The following VOPP1 variants were observed in gnomAD, a reference collection of about 807,000 sequenced individuals.
The protein encoded by VOPP1 is WW domain binding protein VOPP1.
A neutral mutation model predicts 23.5 loss-of-function variants in VOPP1; 8 were observed. That is an observed-to-expected ratio of 0.34 (90% CI 0.20 to 0.61). The LOEUF (loss-of-function observed/expected upper bound fraction) is 0.61. VOPP1 is among the 20% of genes least tolerant of loss of function. VOPP1 has a pLI of 0.78. For synonymous variants in VOPP1, 83 were observed against 97.3 expected (o/e 0.85, Z 0.86); for missense variants, 174 against 238.1 (o/e 0.73, Z 1.77).
intron 2 of VOPP1, among the ~76,000 whole-genome samples, chr7:55,517,812 A>C (rs940735688): frequency 1.3e-4 from 20 of 152,182 alleles, no homozygotes; most frequent in African/African-American, 3.4e-4. Flanking sequence ...TTCCCCTTTA[A>C]GAAAAATGCT....
chr7:55,493,448 T>TA (rs1221230989), intron 3 of VOPP1, among the ~76,000 whole-genome samples: 1 of 152,256 alleles, frequency 6.6e-6, no homozygotes, highest in Non-Finnish European at 1.5e-5. Flanking sequence ...GAGCGTACGA[T>TA]AAAGCCTTTG....
At chr7:55,480,016 T>C (rs1214769735) in intron 4 of VOPP1, among the ~76,000 whole-genome samples, 2 of 152,234 alleles carry the variant, frequency 1.3e-5, no homozygotes, top group Non-Finnish European at 1.5e-5. Flanking sequence ...GTTAAGAAGA[T>C]CATGGTTGGT....
chr7:55,538,815 TA>T (rs756997390), intron 1 of VOPP1: 2,800 of 132,282 alleles, frequency 0.021, 14 homozygotes, highest in Middle Eastern at 0.032. Context: ...CAACATTTCT[TA>T]AAAAAAAAAA....
chr7:55,560,147 T>G (rs1484833411), intron 1 of VOPP1, among the ~76,000 whole-genome samples: 1 of 152,210 alleles, frequency 6.6e-6, no homozygotes, highest in Non-Finnish European at 1.5e-5. Context: ...AGTGAGGCTC[T>G]GTCTCAAACA....
At chr7:55,468,586 C>T (rs997003463), downstream of VOPP1, among the ~76,000 whole-genome samples, 1 of 152,186 alleles carries the variant, frequency 6.6e-6, no homozygotes, top group South Asian at 2.1e-4. Flanking sequence ...TCTGGATGAG[C>T]GACTGGATTG....
rs750177985 is a variant in VOPP1, at chr7:55,492,309, T to A, written c.301A>T (p.Thr101Ser). 3.1e-6 allele frequency: 5 copies of A among 1,611,468 alleles called. No individual in the cohort carries two copies. Among genetic ancestry groups the A allele is most frequent in the Non-Finnish European group, 4.2e-6 (5 of 1,178,928 alleles). The change falls in exon 4 of 5, where the codon ACC becomes TCC. Residue 101 changes from threonine (T) to serine (S), a missense_variant. Transcript: ENST00000285279. ...GGGCCGGGATTTGGGGGCTGCCTGG[T>A]GTAGGACACATTGAAGGCTGGCTCC... Reference protein sequence around the residue: ...IEEPAFNVSYTRQPPNPGPGA... With the variant: ...IEEPAFNVSYSRQPPNPGPGA...
At chr7:55,562,982 G>A (rs1263744543) in intron 1 of VOPP1, among the ~76,000 whole-genome samples, 1 of 152,154 alleles carries the variant, frequency 6.6e-6, no homozygotes, top group Non-Finnish European at 1.5e-5. Flanking sequence ...ATTTCCATCA[G>A]TTATACATGC....
chr7:55,457,400 T>G (rs149827854), intron 4 of VOPP1, among the ~76,000 whole-genome samples: 1,830 of 152,344 alleles, frequency 0.012, 13 homozygotes, highest in Admixed American at 0.021. Context: ...GTATGTTGGC[T>G]ATTGTGAATA....
At chr7:55,486,925 G>GT (rs1793186821) in intron 4 of VOPP1, among the ~76,000 whole-genome samples, 1 of 152,124 alleles carries the variant, frequency 6.6e-6, no homozygotes, top group African/African-American at 2.4e-5. Context: ...CTGCCCTGCT[G>GT]TTTCTTCAGG....
At chr7:55,538,327 T>C (rs1796930108) in intron 1 of VOPP1, among the ~76,000 whole-genome samples, 1 of 152,234 alleles carries the variant, frequency 6.6e-6, no homozygotes, top group Non-Finnish European at 1.5e-5. Context: ...CAGGTAAAGA[T>C]GTAGCCAGTC....
chr7:55,466,429 T>C (rs780720867), downstream of VOPP1, among the ~76,000 whole-genome samples: 1 of 152,172 alleles, frequency 6.6e-6, no homozygotes, highest in Non-Finnish European at 1.5e-5. Context: ...TTCTGCTTTA[T>C]GACAAAGCAT....
intron 4 of VOPP1, among the ~76,000 whole-genome samples, chr7:55,491,756 C>T (rs1793583935): frequency 1.3e-5 from 2 of 152,186 alleles, no homozygotes; most frequent in Non-Finnish European, 2.9e-5. Flanking sequence ...GTGACCTGTA[C>T]AAGAATGTCT....
chr7:55,556,182 C>A (rs1268045916), intron 1 of VOPP1, among the ~76,000 whole-genome samples: 1 of 152,188 alleles, frequency 6.6e-6, no homozygotes, highest in African/African-American at 2.4e-5. Flanking sequence ...ACCTTCTGAG[C>A]CCAGCCTGCC....
At chr7:55,516,815 A>G (rs1795439959) in intron 2 of VOPP1, among the ~76,000 whole-genome samples, 1 of 149,998 alleles carries the variant, frequency 6.7e-6, no homozygotes, top group African/African-American at 2.4e-5. Flanking sequence ...ATTTGTAAGG[A>G]ATATCTGTTT....
chr7:55,440,766 G>A (rs527853421), intron 4 of VOPP1, among the ~76,000 whole-genome samples: 8 of 152,284 alleles, frequency 5.3e-5, no homozygotes, highest in Admixed American at 4.6e-4. Context: ...TGCTGGGTTC[G>A]AGGACCAGAG....
intron 4 of VOPP1, among the ~76,000 whole-genome samples, chr7:55,452,145 T>A (rs571713043): frequency 6.6e-6 from 1 of 152,222 alleles, no homozygotes; most frequent in African/African-American, 2.4e-5. Context: ...TGTGTTGTAA[T>A]TTCAACAATA....
At chr7:55,531,550 C>T (rs1045291223) in intron 1 of VOPP1, among the ~76,000 whole-genome samples, 2 of 152,080 alleles carry the variant, frequency 1.3e-5, no homozygotes, top group African/African-American at 4.8e-5. Flanking sequence ...TGGGGTTGCA[C>T]CCTGTTGGCC....
intron 2 of VOPP1, among the ~76,000 whole-genome samples, chr7:55,514,674 A>G (rs1795290006): frequency 6.6e-6 from 1 of 152,200 alleles, no homozygotes; most frequent in South Asian, 2.1e-4. Context: ...GGAGCATGGT[A>G]CCCATGCACC....
At chr7:55,445,202 T>TAC (rs1036636091) in intron 4 of VOPP1, among the ~76,000 whole-genome samples, 10 of 144,044 alleles carry the variant, frequency 6.9e-5, no homozygotes, top group African/African-American at 2.3e-4. Flanking sequence ...TCACTTTCTC[T>TAC]ACACACACAC....
Sources: allele counts gnomAD v4.1 joint callset (sites outside exome capture counted in the v4.1 genomes callset), GRCh38; gene constraint gnomAD v4.1.1; transcripts MANE v1.5; gene names NCBI Gene and HGNC (gene_info 2026-07-23, HGNC 2026-07-21).